Variants in TMEM63C observed in about 807,000 individuals in gnomAD.
The protein encoded by TMEM63C is osmosensitive cation channel TMEM63C.
Under a neutral mutation model 99.2 loss-of-function variants are expected in TMEM63C, and 32 were observed. The ratio of observed to expected loss-of-function variants is 0.32; its 90% CI spans 0.24 to 0.43. TMEM63C has a LOEUF of 0.43. TMEM63C is among the 20% of genes least tolerant of loss of function. The pLI is 1.00. For missense variants in TMEM63C, 826 were observed against 1,053.0 expected (o/e 0.78, Z 2.98); for synonymous variants, 376 against 397.9 (o/e 0.94, Z 0.66).
At chr14:77,217,620 G>A (rs150506254) in intron 2 of TMEM63C, among the ~76,000 whole-genome samples, 2 of 152,312 alleles carry the variant, frequency 1.3e-5, no homozygotes, top group Non-Finnish European at 2.9e-5. Context: ...CAACCACCTT[G>A]CAGATAAGTT....
intron 1 of TMEM63C, among the ~76,000 whole-genome samples, chr14:77,186,811 G>GTGTGTGTGTGTGTGTGTGTGTGTC (rs1566614242): frequency 6.8e-6 from 1 of 147,664 alleles, no homozygotes. Context: ...CTGTGTGTGT[G>GTGTGTGTGTGTGTGTGTGTGTGTC]TGTGTGTGTC....
chr14:77,256,691 G>A lies in TMEM63C; in HGVS notation c.2386G>A (p.Gly796Arg), dbSNP rs774697874. ...RELDSAQFQEGLELEGQNQYH is the reference protein window; with the variant it reads ...RELDSAQFQERLELEGQNQYH ...GCTAGACTCGGCCCAGTTCCAGGAA[G>A]GGCTGGAACTGGAGGGCCAGAACCA... The change falls in exon 24 of 24, where the codon GGG becomes AGG. Residue 796 changes from glycine to arginine, a missense_variant. Transcript: ENST00000298351. 58 of 1,613,848 alleles carry A rather than the reference G, an allele frequency of 3.6e-5. No homozygotes were observed. Among genetic ancestry groups the A allele is most frequent in the Non-Finnish European group, 4.6e-5 (54 of 1,179,878 alleles).
At position 77,239,683 on chromosome 14, in the gene TMEM63C, G is replaced by C; in HGVS notation, c.887G>C (p.Cys296Ser). The C allele has an allele frequency of 6.2e-7, 1 of 1,612,844 alleles. No individual in the cohort carries two copies. Among genetic ancestry groups the C allele is most frequent in the Non-Finnish European group, 8.5e-7 (1 of 1,179,472 alleles). The change falls in exon 12 of 24, where the codon TGT becomes TCT. Residue 296 changes from cysteine (C) to serine (S), a missense_variant. Physicochemically the swap from Cys to Ser is moderately radical, Grantham distance 112. Transcript: ENST00000298351. ...AAGGTGATGATCAGGATCCACCCCTGTGCCCGCCTGTGCTTCTGCAAGTGC... is the reference window on the plus strand; with the variant it reads ...AAGGTGATGATCAGGATCCACCCCTCTGCCCGCCTGTGCTTCTGCAAGTGC... ...TGKVMIRIHP[C>S]ARLCFCKCWT...
Position 77,256,521 on chromosome 14 carries a change from A to G in TMEM63C, c.2221-5A>G. On this transcript the variant is annotated splice_region_variant and splice_polypyrimidine_tract_variant and intron_variant, in intron 23 of 23. Transcript: ENST00000298351. ...GCTCCTGTCCCCTGTCTCTATCCCA[A>G]GCAGCTGTATGTGGCCACCGTGCTG... The G allele has an allele frequency of 1.9e-6, 3 of 1,613,822 alleles. No individual in the cohort carries two copies. The highest frequency in any genetic ancestry group is 2.5e-6 in the Non-Finnish European group (3 of 1,179,836).
At chr14:77,210,611 A>T (rs1373402398) in intron 1 of TMEM63C, among the ~76,000 whole-genome samples, 1 of 152,056 alleles carries the variant, frequency 6.6e-6, no homozygotes, top group Non-Finnish European at 1.5e-5. Context: ...TAGCCATGAG[A>T]GTAAACCTCA....
intron 1 of TMEM63C, among the ~76,000 whole-genome samples, chr14:77,199,875 A>T (rs1888271090): frequency 6.6e-6 from 1 of 152,202 alleles, no homozygotes; most frequent in African/African-American, 2.4e-5. Context: ...CGAAGGCAGA[A>T]GTGGAGGCGG....
chr14:77,222,325 G>C (rs1006430151), intron 5 of TMEM63C, among the ~76,000 whole-genome samples: 1 of 152,114 alleles, frequency 6.6e-6, no homozygotes, highest in African/African-American at 2.4e-5. Context: ...ACGTTGTGTT[G>C]CTTTGACCTT....
chr14:77,231,487 G>C, intron 6 of TMEM63C, 101 bp from the exon 7 acceptor site: 1 of 1,346,680 alleles, frequency 7.4e-7, no homozygotes, highest in South Asian at 1.4e-5. Context: ...AAAAAACTTG[G>C]GGAGGGGGTG....
chr14:77,215,895 T>A (rs1888575634), intron 2 of TMEM63C, among the ~76,000 whole-genome samples: 1 of 152,200 alleles, frequency 6.6e-6, no homozygotes. Context: ...CTTAACCACT[T>A]TCACCTCCAA....
chr14:77,245,073 C>G (rs1404139556), intron 16 of TMEM63C, among the ~76,000 whole-genome samples: 1 of 152,264 alleles, frequency 6.6e-6, no homozygotes, highest in Non-Finnish European at 1.5e-5. Context: ...AAAGTTCCTA[C>G]TATTCCACCA....
intron 1 of TMEM63C, among the ~76,000 whole-genome samples, chr14:77,186,156 C>T (rs1019573755): frequency 6.6e-6 from 1 of 151,966 alleles, no homozygotes; most frequent in African/African-American, 2.4e-5. Context: ...GGATTACAGG[C>T]GTGCGCCAAC....
chr14:77,182,477 G>A (rs906098627), intron 1 of TMEM63C, among the ~76,000 whole-genome samples: 4 of 152,202 alleles, frequency 2.6e-5, no homozygotes, highest in African/African-American at 9.6e-5. Context: ...AGAGAGGAAC[G>A]TTGTGTTTGG....
intron 1 of TMEM63C, among the ~76,000 whole-genome samples, chr14:77,199,666 TCA>T (rs1411655826): frequency 6.6e-6 from 1 of 152,158 alleles, no homozygotes; most frequent in African/African-American, 2.4e-5. Flanking sequence ...TGTTCCCTTC[TCA>T]GTGTGCGGCT....
chr14:77,194,693 C>T (rs1888186140), intron 1 of TMEM63C, among the ~76,000 whole-genome samples: 1 of 151,748 alleles, frequency 6.6e-6, no homozygotes, highest in Admixed American at 6.6e-5. Flanking sequence ...CCCACCTCAG[C>T]TTCCCGAGTA....
intron 8 of TMEM63C, among the ~76,000 whole-genome samples, chr14:77,233,946 G>T (rs1888990846): frequency 6.6e-6 from 1 of 152,032 alleles, no homozygotes. Flanking sequence ...CCATTAACTG[G>T]CCCTAGGTCT....
At chr14:77,232,777 T>C (rs542678240) in intron 7 of TMEM63C, among the ~76,000 whole-genome samples, 1 of 152,348 alleles carries the variant, frequency 6.6e-6, no homozygotes. Flanking sequence ...GTATGAAGAC[T>C]GTACAACTGG....
chr14:77,198,503 A>G (rs1048080698), intron 1 of TMEM63C, among the ~76,000 whole-genome samples: 4 of 152,156 alleles, frequency 2.6e-5, no homozygotes, highest in Non-Finnish European at 5.9e-5. Flanking sequence ...GTGAGGGCAA[A>G]ATGGAGCAAA....
chr14:77,215,614 A>AAAAGAAAAGAAAAGAAAAG (rs1555347251), intron 2 of TMEM63C, among the ~76,000 whole-genome samples: 9 of 76,524 alleles, frequency 1.2e-4, no homozygotes, highest in East Asian at 9.0e-4. Flanking sequence ...AAAAAAAAAA[A>AAAAGAAAAGAAAAGAAAAG]AAAAGAAAAG....
At chr14:77,214,204 A>G (rs1888541752) in intron 2 of TMEM63C, among the ~76,000 whole-genome samples, 1 of 152,158 alleles carries the variant, frequency 6.6e-6, no homozygotes. Flanking sequence ...CTACAAGATG[A>G]ACACATCCTA....
Sources: gnomAD v4.1 joint callset for allele counts (sites outside exome capture counted in the v4.1 genomes callset) on GRCh38, gnomAD v4.1.1 for gene constraint, MANE v1.5 for transcripts, NCBI Gene and HGNC (gene_info 2026-07-23, HGNC 2026-07-21) for gene names.